The following RPS4Y1 variants were observed in gnomAD, a reference collection of about 807,000 sequenced individuals.
The protein encoded by RPS4Y1 is ribosomal protein S4 Y-linked 1.
For synonymous variants in RPS4Y1, 23 were observed against 20.8 expected, an observed-to-expected ratio of 1.10 and a Z score of -0.28; for missense variants, 30 against 60.9, an observed-to-expected ratio of 0.49 and a Z score of 1.69.
chrY:2,865,236 C>A lies in RPS4Y1; in HGVS notation c.681C>A (p.Val227=). ...SFATRLSNIF[V]IGNGNKPWIS... is the part of the protein sequence containing the mutation. ...CCACGAGGCTTTCCAACATTTTTGT[C>A]ATTGGCAATGTAAGACTTACACTCT... Residue 227 remains valine (V), a synonymous_variant, in exon 6 of 7, where the codon GTC becomes GTA. Coordinates refer to ENST00000250784, the MANE Select transcript of RPS4Y1 (RefSeq NM_001008.4). The A allele has an allele frequency of 2.5e-6, 1 of 397,428 alleles. No homozygotes were observed. Among genetic ancestry groups the A allele is most frequent in the Non-Finnish European group, 3.5e-6 (1 of 282,295 alleles).
At chrY:2,848,115 T>G in intron 4 of RPS4Y1, among the ~76,000 whole-genome samples, 1 of 33,385 alleles carries the variant, frequency 3.0e-5, no homozygotes, top group Non-Finnish European at 7.4e-5. Context: ...TTACCATTCT[T>G]GAACGTTGAG....
intron 3 of RPS4Y1, among the ~76,000 whole-genome samples, chrY:2,844,528 C>T: frequency 3.0e-5 from 1 of 33,821 alleles, no homozygotes; most frequent in East Asian, 7.8e-4. Context: ...CTCCTACCTT[C>T]CCGGCAGAGA....
At chrY:2,860,407 C>T in intron 5 of RPS4Y1, among the ~76,000 whole-genome samples, 1 of 33,165 alleles carries the variant, frequency 3.0e-5, no homozygotes, top group Non-Finnish European at 7.5e-5. Context: ...CAAACTCAAC[C>T]GTCAACCAGA....
intron 6 of RPS4Y1, among the ~76,000 whole-genome samples, chrY:2,866,215 C>T (rs2051167558): frequency 8.7e-5 from 3 of 34,320 alleles, no homozygotes; most frequent in Admixed American, 7.8e-4. Context: ...TATTCAGCCC[C>T]GGGAGCAGCA....
intron 4 of RPS4Y1, among the ~76,000 whole-genome samples, chrY:2,849,841 A>G (rs535546384): frequency 9.0e-5 from 3 of 33,367 alleles, no homozygotes; most frequent in African/African-American, 3.5e-4. Flanking sequence ...CATAGGTAAT[A>G]AAAGTCGTCT....
At position 2,863,846 on chromosome Y, in the gene RPS4Y1, C is replaced by T. The variant is rs2299942; in HGVS notation, c.533-1242C>T. ...TCTTTCAGATACAGGTCTGTGGGTA[C>T]TTTCTTGTGACTTTAGTGGGTATCC... On this transcript the variant is annotated intron_variant, in intron 5 of 6. Coordinates refer to ENST00000250784, the MANE Select transcript of RPS4Y1 (RefSeq NM_001008.4). 1.1e-3 allele frequency among the ~76,000 whole-genome samples: 37 copies of T among 33,594 alleles called. No homozygotes were observed. In the East Asian group the frequency reaches 0.022, roughly 20 times the overall value. The allele number at this position is 33,594 out of a possible 37,273, so 90.1% of individuals were successfully genotyped here.
At chrY:2,843,648 C>T (rs1603308990) in intron 2 of RPS4Y1, among the ~76,000 whole-genome samples, 1 of 33,663 alleles carries the variant, frequency 3.0e-5, no homozygotes, top group South Asian at 6.6e-4. Flanking sequence ...CCTGCAACAT[C>T]GGCAGGGCTT....
In RPS4Y1 at chrY:2,844,143, A is replaced by G; in HGVS notation, c.148A>G (p.Asn50Asp). 1 of 398,313 alleles carries G rather than the reference A, an allele frequency of 2.5e-6. No individual in the cohort carries two copies. The highest frequency in any genetic ancestry group is 3.5e-6 in the Non-Finnish European group (1 of 282,903). ...TCTTCCTCTGATCGTCTTCCTCAGG[A>G]ATAGACTCAAGTATGCGTTGACTGG... ...ECLPLIVFLR[N>D]RLKYALTGDE... is the part of the protein sequence containing the mutation. The change falls in exon 3 of 7, where the codon AAT (asparagine) becomes GAT (aspartate). Residue 50 changes from asparagine (N) to aspartate (D), a missense_variant. Physicochemically the swap from Asn to Asp is conservative, Grantham distance 23 (BLOSUM62 1). Transcript: ENST00000250784.
intron 4 of RPS4Y1, among the ~76,000 whole-genome samples, chrY:2,846,395 G>A: frequency 3.0e-5 from 1 of 33,635 alleles, no homozygotes; most frequent in African/African-American, 1.2e-4. Context: ...TAGGGTCATG[G>A]GGTGACTTTG....
At chrY:2,857,415 T>C (rs2051160662) in intron 5 of RPS4Y1, among the ~76,000 whole-genome samples, 1 of 33,681 alleles carries the variant, frequency 3.0e-5, no homozygotes, top group Non-Finnish European at 7.4e-5. Context: ...CATGTGAAAG[T>C]ATTTCTTTCC....
At chrY:2,864,943 C>A in intron 5 of RPS4Y1, 145 bp from the exon 6 acceptor site, 1 of 154,251 alleles carries the variant, frequency 6.5e-6, no homozygotes, top group African/African-American at 8.9e-5. Context: ...TTTACAGTGA[C>A]AAGAGTTCTT....
intron 5 of RPS4Y1, among the ~76,000 whole-genome samples, chrY:2,857,995 T>G: frequency 5.9e-5 from 2 of 33,963 alleles, no homozygotes; most frequent in Non-Finnish European, 1.5e-4. Context: ...CATTTTACAT[T>G]CTTACCAACA....
At chrY:2,847,384 T>TA (rs2051153358) in intron 4 of RPS4Y1, among the ~76,000 whole-genome samples, 1 of 34,156 alleles carries the variant, frequency 2.9e-5, no homozygotes, top group Non-Finnish European at 7.3e-5. Context: ...TATTTCCCCG[T>TA]AACAACTTGG....
intron 5 of RPS4Y1, among the ~76,000 whole-genome samples, chrY:2,856,079 G>C: frequency 3.0e-5 from 1 of 33,790 alleles, no homozygotes; most frequent in African/African-American, 1.2e-4. Context: ...AAGCTGGAGA[G>C]TGGGTAGGTA....
At chrY:2,858,549 C>G (rs2051161462) in intron 5 of RPS4Y1, among the ~76,000 whole-genome samples, 1 of 33,499 alleles carries the variant, frequency 3.0e-5, no homozygotes. Flanking sequence ...CATGTTGTTT[C>G]TTTACATGGG....
intron 5 of RPS4Y1, among the ~76,000 whole-genome samples, chrY:2,859,436 G>T: frequency 6.0e-5 from 2 of 33,369 alleles, no homozygotes; most frequent in African/African-American, 1.2e-4. Flanking sequence ...AAAAATAAAA[G>T]AACACTTTGA....
intron 5 of RPS4Y1, 49 bp from the exon 6 acceptor site, chrY:2,865,039 G>A: frequency 8.6e-6 from 3 of 348,730 alleles, no homozygotes; most frequent in South Asian, 3.6e-5. Flanking sequence ...CAACAGGCCC[G>A]TCTGGTTTTA....
At chrY:2,849,008 A>C in intron 4 of RPS4Y1, among the ~76,000 whole-genome samples, 1 of 31,908 alleles carries the variant, frequency 3.1e-5, no homozygotes. Context: ...ATGCCTTTGC[A>C]TACTCATAGC....
At chrY:2,858,667 C>G in intron 5 of RPS4Y1, among the ~76,000 whole-genome samples, 1 of 33,101 alleles carries the variant, frequency 3.0e-5, no homozygotes, top group African/African-American at 1.2e-4. Context: ...GGGTTTATTT[C>G]TGGGCTCTAT....
Sources: gnomAD v4.1 joint callset for allele counts (sites outside exome capture counted in the v4.1 genomes callset) on GRCh38, gnomAD v4.1.1 for gene constraint, MANE v1.5 for transcripts, NCBI Gene and HGNC (gene_info 2026-07-23, HGNC 2026-07-21) for gene names.